Variants in GDF10 observed in about 807,000 individuals in gnomAD.
GDF10 encodes growth differentiation factor 10.
Under a neutral mutation model 32.1 loss-of-function variants are expected in GDF10, and 23 were observed. The ratio of observed to expected loss-of-function variants is 0.72; its 90% CI spans 0.52 to 1.02. GDF10 has a LOEUF of 1.02. GDF10 is among the 50% of genes least tolerant of loss of function. The probability of loss-of-function intolerance (pLI) is 0.00; values close to 1 mark genes in which losing one functional copy is unlikely to be tolerated. For synonymous variants in GDF10, 328 were observed against 303.1 expected, an observed-to-expected ratio of 1.08 and a Z score of -0.85; for missense variants, 764 against 673.9, an observed-to-expected ratio of 1.13 and a Z score of -1.48.
At chr10:47,308,729 G>A (rs2061032073) in intron 1 of GDF10, among the ~76,000 whole-genome samples, 1 of 152,144 alleles carries the variant, frequency 6.6e-6, no homozygotes, top group East Asian at 1.9e-4. Context: ...ATGAAGCAGT[G>A]GAAAGGAGAA....
intron 1 of GDF10, among the ~76,000 whole-genome samples, chr10:47,308,554 T>TAA (rs1555207304): frequency 2.0e-5 from 3 of 148,220 alleles, no homozygotes; most frequent in African/African-American, 7.4e-5. Context: ...ATATTTCTGT[T>TAA]AAAAAAAAAA....
chr10:47,300,935 G>A lies in GDF10; in HGVS notation c.284G>A (p.Gly95Glu), dbSNP rs144359566. ...KYSRQGARPG[G>E]GNTVRSFRAR... ...AGCCGGCAGGGCGCGCGGCCGGGAG[G>A]GGGCAACACGGTCCGCAGCTTCAGG... Residue 95 changes from glycine (G) to glutamate (E), a missense_variant, in exon 1 of 3, where the codon GGG (glycine) becomes GAG (glutamate). Transcript: ENST00000580279. The A allele has an allele frequency of 8.6e-5, 132 of 1,532,182 alleles. No homozygotes were observed. In the African/African-American group the frequency reaches 1.7e-3, roughly 20 times the overall value. The allele number at this position is 1,532,182 out of a possible 1,614,324, so 94.9% of individuals were successfully genotyped here.
intron 1 of GDF10, among the ~76,000 whole-genome samples, chr10:47,308,683 A>G (rs1274567969): frequency 6.6e-6 from 1 of 152,082 alleles, no homozygotes; most frequent in East Asian, 1.9e-4. Context: ...TCCTCTCCAG[A>G]CGTTCCCCAG....
chr10:47,310,790 C>T (rs1355734888), intron 2 of GDF10, 69 bp downstream of exon 2: 6 of 1,047,854 alleles, frequency 5.7e-6, no homozygotes, highest in Non-Finnish European at 8.8e-6. Context: ...GTTCCTCAGC[C>T]TGCAGGACTT....
rs1555207540 is a variant in GDF10 at position 47,310,163 on chromosome 10, G to A, written c.687G>A (p.Glu229=). Residue 229 remains glutamate, a synonymous_variant, in exon 2 of 3, where the codon GAG becomes GAA. Transcript: ENST00000580279. ...LLLSAQLDSE[E]RDPGVPRPSP... is the part of the protein sequence containing the mutation. Reference sequence around the variant, plus strand: ...TCTCCGCCCAGCTGGATTCTGAGGAGAGGGACCCGGGGGTGCCCCGGCCCA... The same window carrying A: ...TCTCCGCCCAGCTGGATTCTGAGGAAAGGGACCCGGGGGTGCCCCGGCCCA... 1 of 1,612,016 alleles carries A rather than the reference G, an allele frequency of 6.2e-7. No individual in the cohort carries two copies. Among genetic ancestry groups the A allele is most frequent in the East Asian group, 2.2e-5 (1 of 44,846 alleles).
intron 1 of GDF10, among the ~76,000 whole-genome samples, chr10:47,308,158 G>A (rs112875993): frequency 7.9e-5 from 12 of 152,190 alleles, no homozygotes; most frequent in Admixed American, 2.0e-4. Flanking sequence ...CGCTACCACC[G>A]GAGTGAGCTA....
rs1540253 is a variant in GDF10, at chr10:47,300,362, G to A, written c.-290G>A. On this transcript the variant is annotated 5_prime_UTR_variant, in exon 1 of 3. Transcript: ENST00000580279. ...CGCGCAGTGGGCTACAAACTTTCGC[G>A]GCGCGAGTCCGCCAAGGCAGCGCGC... is the stretch of plus-strand genomic sequence containing the variant. 204,997 of 324,872 alleles carry A rather than the reference G, an allele frequency of 0.63. 68,882 individuals are homozygous for A. The highest frequency in any genetic ancestry group is 0.7 in the Non-Finnish European group (126,099 of 179,504). The allele number at this position is 324,872 out of a possible 1,614,324, so 20.1% of individuals were successfully genotyped here.
chr10:47,308,848 C>T (rs1391733223), intron 1 of GDF10, among the ~76,000 whole-genome samples: 5 of 152,286 alleles, frequency 3.3e-5, no homozygotes, highest in East Asian at 1.9e-4. Context: ...CATTTGAGAA[C>T]GCTCACTGAT....
At chr10:47,311,620 T>C (rs1318420008) in intron 2 of GDF10, among the ~76,000 whole-genome samples, 1 of 152,220 alleles carries the variant, frequency 6.6e-6, no homozygotes, top group Admixed American at 6.5e-5. Context: ...AAACCGTGCA[T>C]GTGCAAGAGA....
chr10:47,300,927 G>A lies in GDF10; in HGVS notation c.276G>A (p.Arg92=). 6.5e-7 allele frequency: 1 copy of A among 1,545,860 alleles called. No individual in the cohort carries two copies. Among genetic ancestry groups the A allele is most frequent in the Non-Finnish European group, 8.7e-7 (1 of 1,153,220 alleles). Residue 92 remains arginine, a synonymous_variant, in exon 1 of 3, where the codon CGG becomes CGA. Coordinates refer to ENST00000580279, the MANE Select transcript of GDF10 (RefSeq NM_004962.5). ...AGAAGTACAGCCGGCAGGGCGCGCG[G>A]CCGGGAGGGGGCAACACGGTCCGCA... ...LYEKYSRQGA[R]PGGGNTVRSF...
chr10:47,303,138 C>T (rs2061010400), intron 1 of GDF10, among the ~76,000 whole-genome samples: 1 of 152,210 alleles, frequency 6.6e-6, no homozygotes, highest in African/African-American at 2.4e-5. Flanking sequence ...ATCCAGTGAC[C>T]TGTCTGAGGA....
chr10:47,309,580 T>A (rs1189534607), intron 1 of GDF10, among the ~76,000 whole-genome samples: 1 of 152,182 alleles, frequency 6.6e-6, no homozygotes, highest in Non-Finnish European at 1.5e-5. Flanking sequence ...ATATTGACAA[T>A]CTCAACCTTA....
At chr10:47,309,770 G>T in intron 1 of GDF10, 26 bp from the exon 2 acceptor site, 1 of 1,534,686 alleles carries the variant, frequency 6.5e-7, no homozygotes, top group African/African-American at 1.4e-5. Flanking sequence ...GAACTTCACA[G>T]CCTGTGGTCT....
chr10:47,302,287 A>T (rs11204218), intron 1 of GDF10, among the ~76,000 whole-genome samples: 22,771 of 152,200 alleles, frequency 0.15, 2,339 homozygotes, highest in African/African-American at 0.28. Context: ...GGAAGATGAA[A>T]TGAGGTCATA....
At chr10:47,310,783 C>T (rs1245905829) in intron 2 of GDF10, 62 bp downstream of exon 2, 3 of 1,126,438 alleles carry the variant, frequency 2.7e-6, no homozygotes, top group Non-Finnish European at 4.0e-6. Context: ...CCGTCAAGTT[C>T]CTCAGCCTGC....
intron 1 of GDF10, among the ~76,000 whole-genome samples, chr10:47,306,819 G>A (rs569212342): frequency 1.2e-4 from 19 of 152,100 alleles, no homozygotes; most frequent in Non-Finnish European, 2.5e-4. Flanking sequence ...TGAGAATAAA[G>A]CCACATGTTG....
Position 47,310,569 on chromosome 10 carries a change from G to A in GDF10, c.1093G>A (p.Ala365Thr). ...CTTTGACGAGAAGACGATGCAGAAA[G>A]CCCGGAGGAAGCAGTGGGATGAGCC... Reference protein sequence around the residue: ...LDFDEKTMQKARRKQWDEPRV... With the variant: ...LDFDEKTMQKTRRKQWDEPRV... Residue 365 changes from alanine (A) to threonine (T), a missense_variant, in exon 2 of 3, where the codon GCC becomes ACC. Transcript: ENST00000580279. 1.2e-6 allele frequency: 2 copies of A among 1,614,260 alleles called. No individual in the cohort carries two copies. The highest frequency in any genetic ancestry group is 1.3e-5 in the African/African-American group (1 of 75,076).
At position 47,300,813 on chromosome 10, in the gene GDF10, G is replaced by A. The variant is rs371166233; in HGVS notation, c.162G>A (p.Arg54=). The part of the protein sequence containing the change: ...PAAADGLQGD[R]DLQRHPGDAA... Reference sequence around the variant, plus strand: ...CCGCCGACGGCCTGCAGGGGGACAGGGATCTCCAGCGGCACCCTGGGGACG... The same window carrying A: ...CCGCCGACGGCCTGCAGGGGGACAGAGATCTCCAGCGGCACCCTGGGGACG... Residue 54 remains arginine (R), a synonymous_variant, in exon 1 of 3, where the codon AGG becomes AGA. Transcript: ENST00000580279. The A allele has an allele frequency of 1.8e-4, 276 of 1,571,402 alleles. No individual in the cohort carries two copies. The African/African-American group carries it at 3.4e-3, about 19-fold the overall frequency.
chr10:47,300,854 G>C lies in GDF10; in HGVS notation c.203G>C (p.Gly68Ala). Residue 68 changes from glycine to alanine, a missense_variant, in exon 1 of 3, where the codon GGC (glycine) becomes GCC (alanine). By Grantham distance (60) the Gly-to-Ala change is moderately conservative. Transcript: ENST00000580279. Reference sequence around the variant, plus strand: ...CCTGGGGACGCGGCCGCCACGTTGGGCCCCAGCGCCCAGGACATGGTCGCT... The same window carrying C: ...CCTGGGGACGCGGCCGCCACGTTGGCCCCCAGCGCCCAGGACATGGTCGCT... ...RHPGDAAATL[G>A]PSAQDMVAVH... is the part of the protein sequence containing the mutation. 2 of 1,584,368 alleles carry C rather than the reference G, an allele frequency of 1.3e-6. No homozygotes were observed. Among genetic ancestry groups the C allele is most frequent in the South Asian group, 2.3e-5 (2 of 88,242 alleles).
Sources: gnomAD v4.1 joint callset for allele counts (sites outside exome capture counted in the v4.1 genomes callset) on GRCh38, gnomAD v4.1.1 for gene constraint, MANE v1.5 for transcripts, NCBI Gene and HGNC (gene_info 2026-07-23, HGNC 2026-07-21) for gene names.